Variants in SVIL observed in about 807,000 individuals in gnomAD.
The protein encoded by SVIL is archvillin.
SVIL carries 101 observed loss-of-function variants against 240.4 expected under a neutral mutation model. That is an observed-to-expected ratio of 0.42 (90% confidence interval 0.36 to 0.50). The LOEUF is 0.50. Ranked by LOEUF, SVIL falls within the 20% of genes least tolerant of loss-of-function variation. SVIL has a pLI of 0.01. For synonymous variants in SVIL, 999 were observed against 1,100.0 expected, an observed-to-expected ratio of 0.91 and a Z score of 1.82; for missense variants, 2,512 against 2,818.7, an observed-to-expected ratio of 0.89 and a Z score of 2.46.
chr10:29,607,016 A>G (rs1417629817), intron 1 of SVIL, among the ~76,000 whole-genome samples: 2 of 152,166 alleles, frequency 1.3e-5, no homozygotes, highest in African/African-American at 4.8e-5. Context: ...CGACCTCCCA[A>G]AGTGCTGAAA....
chr10:29,602,950 C>T (rs1289117769), intron 1 of SVIL, among the ~76,000 whole-genome samples: 1 of 151,814 alleles, frequency 6.6e-6, no homozygotes, highest in Non-Finnish European at 1.5e-5. Flanking sequence ...CACACCATTG[C>T]ATTCCAGCCT....
chr10:29,603,367 T>C (rs2505903), intron 1 of SVIL, among the ~76,000 whole-genome samples: 32,236 of 152,172 alleles, frequency 0.21, 3,468 homozygotes, highest in Middle Eastern at 0.26. Flanking sequence ...AATAGGAATC[T>C]CTGTATTTCC....
chr10:29,587,708 AG>A (rs1191921038), intron 1 of SVIL, among the ~76,000 whole-genome samples: 1 of 152,190 alleles, frequency 6.6e-6, no homozygotes, highest in East Asian at 1.9e-4. Flanking sequence ...TCCATCTTGC[AG>A]GAACTTAGGT....
rs111445714 is a variant in SVIL at position 29,507,260 on chromosome 10, T to C, written c.3516+5475A>G. ...ATATCCTCCTCCTCTATGAACTGAGTAGGACAACATCCTCACTGAGCTGGA... is the reference window on the plus strand; with the variant it reads ...ATATCCTCCTCCTCTATGAACTGAGCAGGACAACATCCTCACTGAGCTGGA... On this transcript the variant is annotated intron_variant, in intron 17 of 37. Coordinates refer to ENST00000355867, the MANE Select transcript of SVIL (RefSeq NM_021738.3). 3.8e-3 allele frequency among the ~76,000 whole-genome samples: 584 copies of C among 152,174 alleles called. 1 individual carries two copies. Among genetic ancestry groups the C allele is most frequent in the Non-Finnish European group, 4.8e-3 (328 of 67,996 alleles).
chr10:29,590,167 A>G (rs1175795130), intron 1 of SVIL, among the ~76,000 whole-genome samples: 1 of 39,268 alleles, frequency 2.5e-5, no homozygotes, highest in African/African-American at 1.0e-4. Flanking sequence ...CTCCGTCTCA[A>G]AAAAAAAAAA....
intron 1 of SVIL, among the ~76,000 whole-genome samples, chr10:29,620,195 A>G (rs189948541): frequency 5.3e-4 from 81 of 152,290 alleles, no homozygotes; most frequent in Admixed American, 3.5e-3. Context: ...ACAGATATCC[A>G]TAGCCATGTT....
At chr10:29,644,951 T>A (rs563896295) in intron 3 of SVIL, among the ~76,000 whole-genome samples, 1 of 150,378 alleles carries the variant, frequency 6.6e-6, no homozygotes, top group South Asian at 2.1e-4. Context: ...GAGGCTGAGA[T>A]CAGGAAGACT....
chr10:29,463,988 T>C (rs1460311302), intron 34 of SVIL, among the ~76,000 whole-genome samples: 1 of 152,186 alleles, frequency 6.6e-6, no homozygotes, highest in Non-Finnish European at 1.5e-5. Flanking sequence ...CATGTGCCAC[T>C]CAAGGGGCTG....
intron 7 of SVIL, among the ~76,000 whole-genome samples, chr10:29,533,704 A>T (rs1244276178): frequency 6.6e-6 from 1 of 152,172 alleles, no homozygotes; most frequent in Non-Finnish European, 1.5e-5. Context: ...CAGGGGTCAG[A>T]TGCTATCCTG....
At chr10:29,550,328 G>C (rs1012761674) in intron 6 of SVIL, among the ~76,000 whole-genome samples, 2 of 151,840 alleles carry the variant, frequency 1.3e-5, no homozygotes, top group East Asian at 3.9e-4. Flanking sequence ...TGTGGTTCCA[G>C]CTACTTATGA....
rs759776112 is a variant in SVIL at position 29,458,559 on chromosome 10, C to T, written c.6433G>A (p.Val2145Met). ...CAGAGCTTGGCTAAGACGTCTTCCA[C>T]GAGGGTGATCTGATTGGAAACTTCC... ...DTEVSNQITLVEDVLAKLCKT... is the reference protein window; with the variant it reads ...DTEVSNQITLMEDVLAKLCKT... The change falls in exon 37 of 38, where the codon GTG (valine) becomes ATG (methionine). Residue 2145 changes from valine (V) to methionine (M), a missense_variant. Val to Met is a conservative substitution (Grantham distance 21, BLOSUM62 1). Around this residue, in one of 3 missense-constraint regions of SVIL, gnomAD observed 797 missense variants for 925.3 expected, o/e 0.86. Transcript: ENST00000355867. 1.4e-5 allele frequency: 22 copies of T among 1,612,594 alleles called. No homozygotes were observed. Among genetic ancestry groups the T allele is most frequent in the South Asian group, 5.5e-5 (5 of 90,786 alleles).
intron 1 of SVIL, among the ~76,000 whole-genome samples, chr10:29,577,713 CT>C (rs1955765876): frequency 6.6e-6 from 1 of 152,102 alleles, no homozygotes; most frequent in African/African-American, 2.4e-5. Flanking sequence ...AGTGGGATTG[CT>C]GGATTAAATG....
chr10:29,658,085 T>G (rs1310511251), intron 2 of SVIL: 1 of 152,134 alleles, frequency 6.6e-6, no homozygotes, highest in East Asian at 1.9e-4. Context: ...AAGGACAAAG[T>G]CTCTACTGAA....
At chr10:29,627,970 C>A (rs1379407290) in intron 1 of SVIL, among the ~76,000 whole-genome samples, 1 of 152,176 alleles carries the variant, frequency 6.6e-6, no homozygotes, top group Non-Finnish European at 1.5e-5. Context: ...ACGGTACAGC[C>A]AAGCCTTTTT....
rs1564624796 is a variant in SVIL at position 29,550,994 on chromosome 10, C to A, written c.430G>T (p.Asp144Tyr). The change falls in exon 6 of 38, where the codon GAT (aspartate) becomes TAT (tyrosine). Residue 144 changes from aspartate (D) to tyrosine (Y), a missense_variant. Asp to Tyr is a radical substitution (Grantham distance 160). Transcript: ENST00000355867. ...TTTCCTCCCCGCTTCTCGACAGCATCAGGCTCCTTCCTGGACTTGGTATAG... is the reference window on the plus strand; with the variant it reads ...TTTCCTCCCCGCTTCTCGACAGCATAAGGCTCCTTCCTGGACTTGGTATAG... ...SRYTKSRKEP[D>Y]AVEKRGGKSD... The A allele has an allele frequency of 6.2e-7, 1 of 1,614,176 alleles. No homozygotes were observed. The highest frequency in any genetic ancestry group is 2.2e-5 in the East Asian group (1 of 44,874).
chr10:29,485,965 A>G (rs1375731556), intron 26 of SVIL, 120 bp downstream of exon 26: 2 of 1,145,978 alleles, frequency 1.7e-6, no homozygotes, highest in African/African-American at 3.1e-5. Context: ...TAAATGTTCT[A>G]CAATGGATAC....
intron 17 of SVIL, among the ~76,000 whole-genome samples, chr10:29,506,864 G>C (rs1436343008): frequency 1.3e-5 from 2 of 152,164 alleles, no homozygotes; most frequent in Non-Finnish European, 2.9e-5. Context: ...GGCCCTAGGA[G>C]GGAAGTGATG....
chr10:29,516,599 C>G (rs1950218535), intron 16 of SVIL, among the ~76,000 whole-genome samples: 1 of 152,216 alleles, frequency 6.6e-6, no homozygotes, highest in Non-Finnish European at 1.5e-5. Flanking sequence ...GCAATTCAAA[C>G]AACTGTCAGC....
rs564638490 is a variant in SVIL, at chr10:29,514,642, A to G, written c.3390-1781T>C. On this transcript the variant is annotated intron_variant, in intron 16 of 37. Coordinates refer to ENST00000355867, the MANE Select transcript of SVIL (RefSeq NM_021738.3). Reference sequence around the variant, plus strand: ...AGCGATCCCCTGCCTCAGCCTCCCAAAGTGCTGGGATTACAGGCATGAGAC... The same window carrying G: ...AGCGATCCCCTGCCTCAGCCTCCCAGAGTGCTGGGATTACAGGCATGAGAC... 1.5e-3 allele frequency among the ~76,000 whole-genome samples: 224 copies of G among 152,254 alleles called. 1 individual carries two copies. Among genetic ancestry groups the G allele is most frequent in the African/African-American group, 5.0e-3 (208 of 41,540 alleles).
Sources: gnomAD v4.1 joint callset for allele counts (sites outside exome capture counted in the v4.1 genomes callset) on GRCh38, gnomAD v4.1.1 for gene constraint, gnomAD v4.1.1 regional missense constraint, MANE v1.5 for transcripts, NCBI Gene and HGNC (gene_info 2026-07-23, HGNC 2026-07-21) for gene names.